RFC1: variants seen among roughly 807,000 people sequenced by gnomAD.
The protein encoded by RFC1 is replication factor C subunit 1, also known as A1 140 kDa subunit.
Under a neutral mutation model 137.4 loss-of-function variants are expected in RFC1, and 37 were observed. The observed-to-expected ratio is 0.27, with a 90% CI of 0.21 to 0.35. The LOEUF is 0.35. RFC1 is among the 10% of genes least tolerant of loss of function. RFC1 has a pLI of 1.00. For missense variants in RFC1, 1,205 were observed against 1,358.5 expected (o/e 0.89, Z 1.78); for synonymous variants, 429 against 455.7 (o/e 0.94, Z 0.75).
At chr4:39,305,948 G>A (rs1014857470) in intron 14 of RFC1, among the ~76,000 whole-genome samples, 1 of 152,096 alleles carries the variant, frequency 6.6e-6, no homozygotes. Context: ...AAAAACAAAA[G>A]AAACCACAAG....
At chr4:39,288,870 G>C (rs531470012) in intron 24 of RFC1, 26 bp from the exon 25 acceptor site, 7 of 1,353,966 alleles carry the variant, frequency 5.2e-6, no homozygotes, top group Non-Finnish European at 7.4e-6. Context: ...TAACAAAATA[G>C]TTAATAGCTG....
At chr4:39,303,720 C>G (rs1347394994) in intron 15 of RFC1, among the ~76,000 whole-genome samples, 1 of 152,242 alleles carries the variant, frequency 6.6e-6, no homozygotes, top group African/African-American at 2.4e-5. Flanking sequence ...TCCCAAAGTG[C>G]TGGGATTACA....
intron 1 of RFC1, chr4:39,365,477 C>T (rs1741978769): frequency 2.1e-5 from 21 of 985,360 alleles, no homozygotes; most frequent in Non-Finnish European, 2.5e-5. Flanking sequence ...GGAATGTCTG[C>T]TTTGCTGGCT....
At chr4:39,324,324 A>T (rs1739657844) in intron 6 of RFC1, among the ~76,000 whole-genome samples, 1 of 152,232 alleles carries the variant, frequency 6.6e-6, no homozygotes, top group Non-Finnish European at 1.5e-5. Flanking sequence ...TTAATAAATT[A>T]CCCAAACAAG....
chr4:39,326,446 T>C (rs1739771622), intron 6 of RFC1, 117 bp downstream of exon 6: 1 of 669,470 alleles, frequency 1.5e-6, no homozygotes, highest in African/African-American at 1.8e-5. Context: ...TTTTCATTTA[T>C]TAGATTTTAA....
chr4:39,306,998 G>A (rs996630527), intron 13 of RFC1, among the ~76,000 whole-genome samples: 94 of 152,212 alleles, frequency 6.2e-4, no homozygotes, highest in African/African-American at 2.0e-3. Context: ...CATGGAGCAC[G>A]CTGCCGGGGC....
At chr4:39,334,004 C>G (rs558027983) in intron 4 of RFC1, among the ~76,000 whole-genome samples, 1 of 152,026 alleles carries the variant, frequency 6.6e-6, no homozygotes, top group Admixed American at 6.6e-5. Flanking sequence ...TCTCTAGGCC[C>G]CTAGGAAGGT....
intron 10 of RFC1, among the ~76,000 whole-genome samples, chr4:39,313,669 A>C (rs755461291): frequency 7.9e-5 from 12 of 151,752 alleles, no homozygotes; most frequent in Non-Finnish European, 1.8e-4. Flanking sequence ...CTTAATAAAA[A>C]ATTTTTACTG....
intron 2 of RFC1, among the ~76,000 whole-genome samples, chr4:39,346,172 C>A (rs1256882336): frequency 6.6e-6 from 1 of 152,210 alleles, no homozygotes. Flanking sequence ...TAGCCAATGC[C>A]TGTTAGGAAA....
chr4:39,360,744 A>C (rs1050064462), intron 1 of RFC1, among the ~76,000 whole-genome samples: 2 of 152,112 alleles, frequency 1.3e-5, no homozygotes, highest in African/African-American at 4.8e-5. Flanking sequence ...CAGAAAAAAA[A>C]AGGAGAAAGC....
At chr4:39,327,473 A>G in intron 5 of RFC1, 51 bp downstream of exon 5, 2 of 1,131,174 alleles carry the variant, frequency 1.8e-6, no homozygotes, top group Non-Finnish European at 2.5e-6. Flanking sequence ...TGTTAATATT[A>G]GTGAATGGGT....
At chr4:39,322,498 C>T (rs1739568147) in intron 7 of RFC1, 1 of 152,168 alleles carries the variant, frequency 6.6e-6, no homozygotes. Context: ...TTAGAACTGA[C>T]AAAACTGTGC....
intron 13 of RFC1, among the ~76,000 whole-genome samples, 188 bp from the exon 14 acceptor site, chr4:39,306,889 C>A (rs1458099820): frequency 6.6e-6 from 1 of 152,090 alleles, no homozygotes; most frequent in East Asian, 1.9e-4. Context: ...TACTTCCTAC[C>A]TCACCCCCAC....
intron 21 of RFC1, among the ~76,000 whole-genome samples, chr4:39,299,758 C>T (rs912163595): frequency 6.6e-6 from 1 of 150,748 alleles, no homozygotes; most frequent in Non-Finnish European, 1.5e-5. Flanking sequence ...TTTAAAATAA[C>T]TACAGGATTA....
At position 39,300,132 on chromosome 4, in the gene RFC1, G is replaced by A. The variant is rs1738269800; in HGVS notation, c.2697C>T (p.Asp899=). The A allele has an allele frequency of 3.7e-6, 6 of 1,613,592 alleles. No individual in the cohort carries two copies. Among genetic ancestry groups the A allele is most frequent in the Non-Finnish European group, 5.1e-6 (6 of 1,179,594 alleles). The change falls in exon 21 of 25, where the codon GAC becomes GAT. Residue 899 remains aspartate (D), a synonymous_variant. Coordinates refer to ENST00000349703, the MANE Select transcript of RFC1 (RefSeq NM_002913.5). ...IHVKPVAAGG[D]MKKHLMLLSR... ...TTAAAAGCATCAGGTGCTTTTTCAT[G>A]TCACCCCTGCAGGAAAGAACCAGTC...
chr4:39,321,208 A>C (rs1339879589), intron 8 of RFC1, 79 bp downstream of exon 8: 1 of 1,064,950 alleles, frequency 9.4e-7, no homozygotes, highest in African/African-American at 1.6e-5. Flanking sequence ...ATTACTGAAT[A>C]GGATACTTAA....
In RFC1 at chr4:39,292,840, G is replaced by A. The variant is rs558768673; in HGVS notation, c.2955-988C>T. Among the ~76,000 whole-genome samples, 293 of 151,480 alleles carry A rather than the reference G, an allele frequency of 1.9e-3. 2 individuals carry two copies. Among genetic ancestry groups the A allele is most frequent in the African/African-American group, 6.7e-3 (275 of 41,254 alleles). On this transcript the variant is annotated intron_variant, in intron 22 of 24. Transcript: ENST00000349703. The stretch of plus-strand genomic sequence containing the variant: ...TTTTTGTATTTTTAGTAGAGACAGG[G>A]TTTCACCATCTTGCCCAGGCTGGTC...
chr4:39,345,970 G>A (rs1425612046), intron 2 of RFC1, among the ~76,000 whole-genome samples: 1 of 152,046 alleles, frequency 6.6e-6, no homozygotes, highest in Non-Finnish European at 1.5e-5. Context: ...GCTAAAAATA[G>A]GCCAGACAGT....
rs769012008 is a variant in RFC1, at chr4:39,308,941, T to A, written c.1580A>T (p.Lys527Ile). 1.2e-6 allele frequency: 2 copies of A among 1,614,044 alleles called. No homozygotes were observed. Among genetic ancestry groups the A allele is most frequent in the Admixed American group, 3.3e-5 (2 of 59,992 alleles). ...ISPSKKESES[K>I]KSRPTSKRDS... ...CCTTTTGGAAGTCGGCCTGCTCTTT[T>A]TAGATTCTGATTCCTTTTTAGATGG... is the stretch of plus-strand genomic sequence containing the variant. The change falls in exon 13 of 25, where the codon AAA becomes ATA. Residue 527 changes from lysine to isoleucine, a missense_variant. Lys to Ile is a moderately radical substitution (Grantham distance 102). Coordinates refer to ENST00000349703, the MANE Select transcript of RFC1 (RefSeq NM_002913.5).
Sources: gnomAD v4.1 joint callset for allele counts (sites outside exome capture counted in the v4.1 genomes callset) on GRCh38, gnomAD v4.1.1 for gene constraint, MANE v1.5 for transcripts, NCBI Gene and HGNC (gene_info 2026-07-23, HGNC 2026-07-21) for gene names.